SH3D19: variants seen among roughly 807,000 people sequenced by gnomAD.
SH3D19 encodes the protein SH3 domain-containing protein 19.
A neutral mutation model predicts 112.1 loss-of-function variants in SH3D19; 58 were observed. The ratio of observed to expected loss-of-function variants is 0.52; its 90% CI spans 0.42 to 0.64. The LOEUF (loss-of-function observed/expected upper bound fraction) is 0.64. Ranked by LOEUF, SH3D19 falls within the 30% of genes least tolerant of loss-of-function variation. The pLI is 0.00. For synonymous variants in SH3D19, 391 were observed against 448.5 expected, an observed-to-expected ratio of 0.87 and a Z score of 1.62; for missense variants, 1,090 against 1,263.4, an observed-to-expected ratio of 0.86 and a Z score of 2.08.
At chr4:151,305,484 T>C (rs188934692) in intron 1 of SH3D19, among the ~76,000 whole-genome samples, 1 of 152,336 alleles carries the variant, frequency 6.6e-6, no homozygotes, top group African/African-American at 2.4e-5. Flanking sequence ...AACAACCCAA[T>C]TTTTAAATGT....
chr4:151,247,759 T>C (rs540120691), intron 1 of SH3D19, among the ~76,000 whole-genome samples: 44 of 152,334 alleles, frequency 2.9e-4, no homozygotes, highest in African/African-American at 1.0e-3. Flanking sequence ...TTAAATAAGA[T>C]AGCGGAGATA....
chr4:151,230,653 T>G (rs1769539090), intron 1 of SH3D19, among the ~76,000 whole-genome samples: 2 of 149,730 alleles, frequency 1.3e-5, no homozygotes, highest in Admixed American at 1.4e-4. Context: ...CAGGCTGGAG[T>G]GCAATCTCGG....
intron 2 of SH3D19, among the ~76,000 whole-genome samples, chr4:151,194,248 C>CGA (rs1763079043): frequency 6.7e-6 from 1 of 150,242 alleles, no homozygotes; most frequent in Non-Finnish European, 1.5e-5. Context: ...GCTGGTCTTA[C>CGA]ACTCTTGACC....
At chr4:151,165,357 A>AGGGAAGGGAAAGGGAAGCGAAGG (rs1757825404) in intron 8 of SH3D19, among the ~76,000 whole-genome samples, 1 of 152,120 alleles carries the variant, frequency 6.6e-6, no homozygotes, top group Non-Finnish European at 1.5e-5. Context: ...AGGAAAAGGA[A>AGGGAAGGGAAAGGGAAGCGAAGG]GGGAAGGGAA....
chr4:151,194,066 C>T (rs1195474922), intron 2 of SH3D19, among the ~76,000 whole-genome samples: 3 of 140,636 alleles, frequency 2.1e-5, no homozygotes, highest in Non-Finnish European at 4.5e-5. Flanking sequence ...AGCTCTGTCA[C>T]CCAGGCTGGA....
intron 1 of SH3D19, among the ~76,000 whole-genome samples, chr4:151,245,561 T>C (rs1770881449): frequency 6.6e-6 from 1 of 152,102 alleles, no homozygotes; most frequent in South Asian, 2.1e-4. Context: ...TAAATTCAAA[T>C]TTATTGGATG....
intron 12 of SH3D19, among the ~76,000 whole-genome samples, chr4:151,142,446 A>G (rs903561576): frequency 2.6e-5 from 4 of 152,152 alleles, no homozygotes; most frequent in Non-Finnish European, 5.9e-5. Context: ...GGATTTATCT[A>G]TTCTGGACTT....
At chr4:151,209,348 G>A (rs1765605726) in intron 2 of SH3D19, among the ~76,000 whole-genome samples, 1 of 151,390 alleles carries the variant, frequency 6.6e-6, no homozygotes, top group Non-Finnish European at 1.5e-5. Flanking sequence ...GTGCAATCTT[G>A]GCTCACTGCA....
chr4:151,177,507 C>T (rs1313038332), intron 4 of SH3D19, among the ~76,000 whole-genome samples: 1 of 152,150 alleles, frequency 6.6e-6, no homozygotes, highest in Non-Finnish European at 1.5e-5. Context: ...TGCCACCATA[C>T]CCAGCTAATT....
chr4:151,165,758 C>T (rs746726017), intron 7 of SH3D19, 62 bp from the exon 8 acceptor site: 202 of 1,392,810 alleles, frequency 1.5e-4, no homozygotes, highest in Non-Finnish European at 1.9e-4. Context: ...CAAAAAACCT[C>T]ATTCATAATT....
At position 151,136,566 on chromosome 4, in the gene SH3D19, T is replaced by C. The variant is rs149272284; in HGVS notation, c.2427+1166A>G. Among the ~76,000 whole-genome samples, 464 of 86,142 alleles carry C rather than the reference T, an allele frequency of 5.4e-3. 2 individuals carry two copies. Among genetic ancestry groups the C allele is most frequent in the African/African-American group, 0.016 (449 of 28,224 alleles). The allele number at this position is 86,142 out of a possible 152,430, so 56.5% of individuals were successfully genotyped here. On this transcript the variant is annotated intron_variant, in intron 14 of 19. Transcript: ENST00000604030. Reference sequence around the variant, plus strand: ...AACTACTTAAAGCTCGAGGTTTATATTAAATCAGTGCCTTCTTGAATTTTA... The same window carrying C: ...AACTACTTAAAGCTCGAGGTTTATACTAAATCAGTGCCTTCTTGAATTTTA...
chr4:151,273,357 G>A (rs758009815), intron 1 of SH3D19, among the ~76,000 whole-genome samples: 6 of 151,962 alleles, frequency 3.9e-5, no homozygotes, highest in Admixed American at 1.3e-4. Flanking sequence ...TTGGGAGGCC[G>A]AGGCGGGTGG....
intron 1 of SH3D19, chr4:151,282,081 T>C: frequency 1.3e-6 from 2 of 1,542,164 alleles, no homozygotes; most frequent in South Asian, 1.2e-5. Context: ...GACTTAGTGC[T>C]ACATATAGGC....
At chr4:151,158,750 T>A (rs867050788) in intron 9 of SH3D19, among the ~76,000 whole-genome samples, 102 of 152,028 alleles carry the variant, frequency 6.7e-4, no homozygotes, top group African/African-American at 2.2e-3. Flanking sequence ...ATATGTACTT[T>A]AAAAAATCTC....
intron 1 of SH3D19, among the ~76,000 whole-genome samples, chr4:151,324,295 G>A (rs1313667340): frequency 6.6e-6 from 1 of 152,132 alleles, no homozygotes; most frequent in Non-Finnish European, 1.5e-5. Flanking sequence ...TAGTGGTTAA[G>A]GGAGTCACAC....
chr4:151,303,243 A>G (rs541141782), intron 1 of SH3D19, among the ~76,000 whole-genome samples: 2 of 152,370 alleles, frequency 1.3e-5, no homozygotes, highest in Admixed American at 6.5e-5. Flanking sequence ...GAGACCAAAC[A>G]GGTAAACAAA....
chr4:151,194,775 C>G (rs1282666194), intron 2 of SH3D19, among the ~76,000 whole-genome samples: 2 of 151,710 alleles, frequency 1.3e-5, no homozygotes, highest in African/African-American at 4.8e-5. Flanking sequence ...TAATGTGCAT[C>G]TAACTGTTAA....
intron 16 of SH3D19, 108 bp downstream of exon 16, chr4:151,132,926 A>G: frequency 1.1e-6 from 1 of 939,270 alleles, no homozygotes; most frequent in East Asian, 2.6e-5. Flanking sequence ...TTTTCCTTCT[A>G]CCGTAAAAAT....
At chr4:151,290,817 T>A (rs1176948348) in intron 1 of SH3D19, among the ~76,000 whole-genome samples, 5 of 152,248 alleles carry the variant, frequency 3.3e-5, no homozygotes, top group African/African-American at 1.2e-4. Flanking sequence ...AGGCAGTTCA[T>A]TCATTTGAAT....
Sources: gnomAD v4.1 joint callset for allele counts (sites outside exome capture counted in the v4.1 genomes callset) on GRCh38, gnomAD v4.1.1 for gene constraint, MANE v1.5 for transcripts, NCBI Gene and HGNC (gene_info 2026-07-23, HGNC 2026-07-21) for gene names.